The following TNKS variants were observed in gnomAD, a reference collection of about 807,000 sequenced individuals.
The protein encoded by TNKS is poly [ADP-ribose] polymerase tankyrase-1.
In TNKS, 72 loss-of-function variants were observed where a neutral mutation model predicts 135.8. The observed-to-expected ratio is 0.53, with a 90% CI of 0.44 to 0.64. The LOEUF (loss-of-function observed/expected upper bound fraction) is 0.64. Among genes scored for constraint, TNKS ranks in the 30% least tolerant of loss-of-function variants. The pLI, the probability that TNKS is intolerant of heterozygous loss-of-function variation, is 0.00. For missense variants in TNKS, 1,769 were observed against 1,674.0 expected, an observed-to-expected ratio of 1.06 and a Z score of -0.99; for synonymous variants, 849 against 649.3, an observed-to-expected ratio of 1.31 and a Z score of -4.68.
rs145737152 is a variant in TNKS at position 9,556,248 on chromosome 8, C to G, written c.309C>G (p.Pro103=). 5.9e-5 allele frequency: 95 copies of G among 1,614,258 alleles called. No homozygotes were observed. The African/African-American group carries it at 1.1e-3, about 19-fold the overall frequency. Residue 103 remains proline, a synonymous_variant, in exon 1 of 27, where the codon CCC becomes CCG. Transcript: ENST00000310430. ...TSTICTVAAA[P]VVPAVSTSSA... ...CAATCTGTACCGTCGCCGCCGCTCC[C>G]GTGGTCCCAGCGGTTTCTACTTCAT...
chr8:9,725,402 C>G (rs796495307), intron 12 of TNKS, among the ~76,000 whole-genome samples: 1 of 151,946 alleles, frequency 6.6e-6, no homozygotes, highest in African/African-American at 2.4e-5. Flanking sequence ...TTTTTTCCTC[C>G]CTTAATCTCA....
chr8:9,623,763 A>C (rs542503332), intron 3 of TNKS, among the ~76,000 whole-genome samples: 1 of 152,296 alleles, frequency 6.6e-6, no homozygotes, highest in South Asian at 2.1e-4. Context: ...GCACTTTGGG[A>C]GGCCAAGGCA....
Position 9,649,897 on chromosome 8 carries a change from T to C in TNKS, c.995-30054T>C, listed in dbSNP as rs946744243. Among the ~76,000 whole-genome samples the C allele has an allele frequency of 4.9e-5, 5 of 102,130 alleles. 1 individual carries two copies. Among genetic ancestry groups the C allele is most frequent in the East Asian group, 3.6e-4 (1 of 2,814 alleles). The allele number at this position is 102,130 out of a possible 152,430, so 67.0% of individuals were successfully genotyped here. ...TCTTTTCTTTTTTTTTTTTTTTTTTTTTTTTTTTTTGAGATGGAGCCTCAC... is the reference window on the plus strand; with the variant it reads ...TCTTTTCTTTTTTTTTTTTTTTTTTCTTTTTTTTTTGAGATGGAGCCTCAC... On this transcript the variant is annotated intron_variant, in intron 3 of 26. Transcript: ENST00000310430.
intron 5 of TNKS, among the ~76,000 whole-genome samples, chr8:9,697,916 A>C (rs1001681331): frequency 6.6e-6 from 1 of 152,198 alleles, no homozygotes; most frequent in African/African-American, 2.4e-5. Flanking sequence ...ACACAAAGGA[A>C]AATAGATTAT....
chr8:9,670,012 C>G (rs1409738907), intron 3 of TNKS: 7 of 152,190 alleles, frequency 4.6e-5, no homozygotes, highest in Non-Finnish European at 1.0e-4. Flanking sequence ...TGAACATTCA[C>G]TTACTAAACA....
chr8:9,738,779 T>G (rs1256979693), intron 17 of TNKS, among the ~76,000 whole-genome samples: 2 of 99,776 alleles, frequency 2.0e-5, no homozygotes, highest in Admixed American at 1.1e-4. Flanking sequence ...TTGTTATAAT[T>G]TCTGTTCTTT....
chr8:9,638,577 A>G (rs1344976211), intron 3 of TNKS, among the ~76,000 whole-genome samples: 1 of 152,242 alleles, frequency 6.6e-6, no homozygotes. Flanking sequence ...CTGAAAGAAA[A>G]GAGAATAGGA....
At chr8:9,745,922 GT>G (rs1806210732) in intron 17 of TNKS, among the ~76,000 whole-genome samples, 1 of 152,178 alleles carries the variant, frequency 6.6e-6, no homozygotes, top group Non-Finnish European at 1.5e-5. Context: ...TGAAGTGAGT[GT>G]CTTCAAGAGT....
chr8:9,760,921 G>A (rs1807117723), intron 20 of TNKS, among the ~76,000 whole-genome samples: 1 of 152,150 alleles, frequency 6.6e-6, no homozygotes, highest in African/African-American at 2.4e-5. Context: ...TATCCAAATT[G>A]GAATTTTAAA....
At chr8:9,698,205 A>C (rs1563174405) in intron 5 of TNKS, among the ~76,000 whole-genome samples, 1 of 152,102 alleles carries the variant, frequency 6.6e-6, no homozygotes, top group African/African-American at 2.4e-5. Flanking sequence ...AACATTGAGC[A>C]CACGTGGACA....
intron 9 of TNKS, 44 bp downstream of exon 9, chr8:9,708,536 A>G: frequency 7.0e-7 from 1 of 1,426,002 alleles, no homozygotes; most frequent in Non-Finnish European, 9.3e-7. Context: ...TATAATAATA[A>G]CGTAAGCACA....
intron 19 of TNKS, among the ~76,000 whole-genome samples, 168 bp from the exon 20 acceptor site, chr8:9,752,376 A>C (rs1806590572): frequency 6.6e-6 from 1 of 152,192 alleles, no homozygotes; most frequent in South Asian, 2.1e-4. Flanking sequence ...TTCCCAATCA[A>C]CTTCAGAAAT....
intron 3 of TNKS, among the ~76,000 whole-genome samples, chr8:9,618,498 T>C (rs1243188131): frequency 6.6e-6 from 1 of 152,194 alleles, no homozygotes. Flanking sequence ...TTGAGGGCTT[T>C]CTTTTGTTTT....
At chr8:9,632,515 C>T (rs544846342) in intron 3 of TNKS, among the ~76,000 whole-genome samples, 19 of 152,158 alleles carry the variant, frequency 1.2e-4, no homozygotes, top group African/African-American at 3.6e-4. Flanking sequence ...AAAATTTCTT[C>T]GCTTTTGACC....
intron 5 of TNKS, among the ~76,000 whole-genome samples, chr8:9,698,595 T>C (rs1803642163): frequency 6.6e-6 from 1 of 152,132 alleles, no homozygotes; most frequent in Non-Finnish European, 1.5e-5. Flanking sequence ...TTAACACAAA[T>C]ACCTAGTAAA....
intron 5 of TNKS, among the ~76,000 whole-genome samples, chr8:9,691,512 C>T (rs867301773): frequency 3.3e-5 from 5 of 152,224 alleles, no homozygotes; most frequent in Middle Eastern, 6.8e-3. Context: ...GAACCTGAGC[C>T]CCCACACAAA....
At chr8:9,766,483 CTTTTTTTTTTT>C (rs61212620) in intron 25 of TNKS, 58 bp downstream of exon 25, 5 of 890,750 alleles carry the variant, frequency 5.6e-6, no homozygotes, top group African/African-American at 4.0e-5. Context: ...ACCAAATTGT[CTTTTTTTTTTT>C]TTTTTTTTTG....
At chr8:9,598,206 CG>C (rs1377903045) in intron 2 of TNKS, among the ~76,000 whole-genome samples, 1 of 152,030 alleles carries the variant, frequency 6.6e-6, no homozygotes, top group East Asian at 1.9e-4. Context: ...CCACCATGCC[CG>C]GCTAATTTTT....
At chr8:9,715,320 G>A (rs1277695757) in intron 11 of TNKS, among the ~76,000 whole-genome samples, 2 of 151,304 alleles carry the variant, frequency 1.3e-5, no homozygotes, top group African/African-American at 4.9e-5. Flanking sequence ...CGTGGGCAAG[G>A]TTCAAGGAAA....
Sources: allele counts gnomAD v4.1 joint callset (sites outside exome capture counted in the v4.1 genomes callset), GRCh38; gene constraint gnomAD v4.1.1; transcripts MANE v1.5; gene names NCBI Gene and HGNC (gene_info 2026-07-23, HGNC 2026-07-21).